LRP6: variants seen among roughly 807,000 people sequenced by gnomAD.
LRP6 encodes low-density lipoprotein receptor-related protein 6.
A neutral mutation model predicts 184.1 loss-of-function variants in LRP6; 43 were observed. That is an observed-to-expected ratio of 0.23 (90% CI 0.18 to 0.30). The LOEUF is 0.30. Among genes scored for constraint, LRP6 ranks in the 10% least tolerant of loss-of-function variants. The probability of loss-of-function intolerance (pLI) is 1.00; values close to 1 mark genes in which losing one functional copy is unlikely to be tolerated. For synonymous variants in LRP6, 719 were observed against 684.9 expected (o/e 1.05, Z -0.78); for missense variants, 1,571 against 2,005.3 (o/e 0.78, Z 4.14).
At chr12:12,151,105 G>T in intron 12 of LRP6, 67 bp from the exon 13 acceptor site, 1 of 1,295,550 alleles carries the variant, frequency 7.7e-7, no homozygotes, top group South Asian at 1.3e-5. Flanking sequence ...CCAATGATTT[G>T]ATCAGCCTGT....
chr12:12,196,834 C>T (rs1863775122), intron 3 of LRP6, among the ~76,000 whole-genome samples: 1 of 152,136 alleles, frequency 6.6e-6, no homozygotes. Flanking sequence ...TGTGTTCTTA[C>T]ACCAGAAGGC....
At chr12:12,152,591 G>T (rs1430443604) in intron 12 of LRP6, among the ~76,000 whole-genome samples, 1 of 152,078 alleles carries the variant, frequency 6.6e-6, no homozygotes, top group Non-Finnish European at 1.5e-5. Context: ...GGCCAAGAAT[G>T]ACTTCTGGGA....
intron 3 of LRP6, among the ~76,000 whole-genome samples, chr12:12,188,676 T>C (rs1863539483): frequency 1.3e-5 from 2 of 152,224 alleles, no homozygotes; most frequent in African/African-American, 2.4e-5. Flanking sequence ...TTTTCCTTAA[T>C]CCTCTCTTCC....
intron 1 of LRP6, among the ~76,000 whole-genome samples, chr12:12,254,283 A>G (rs1865408712): frequency 6.6e-6 from 1 of 152,200 alleles, no homozygotes; most frequent in Admixed American, 6.5e-5. Context: ...CCAAACAGCT[A>G]GTAGAAAAAC....
chr12:12,165,215 A>G lies in LRP6; in HGVS notation c.1626T>C (p.Gly542=). ...GCCAGTCAGTCCAGTAAACATAGTC[A>G]CCCAACAAAGTAAATCCAAATATGT... The part of the protein sequence containing the change: ...IPHIFGFTLL[G]DYVYWTDWQR... The change falls in exon 8 of 23, where the codon GGT becomes GGC. Residue 542 remains glycine, a synonymous_variant. Coordinates refer to ENST00000261349, the MANE Select transcript of LRP6 (RefSeq NM_002336.3). The G allele has an allele frequency of 6.2e-7, 1 of 1,614,086 alleles. No homozygotes were observed. The highest frequency in any genetic ancestry group is 1.1e-5 in the South Asian group (1 of 91,088).
In LRP6 at chr12:12,183,987, G is replaced by T. The variant is rs753863194; in HGVS notation, c.969C>A (p.Cys323Ter). 6.2e-7 allele frequency: 1 copy of T among 1,612,884 alleles called. No homozygotes were observed. Among genetic ancestry groups the T allele is most frequent in the Non-Finnish European group, 8.5e-7 (1 of 1,179,126 alleles). ...TGGATAATATCTTCTTACCATCTTT[G>T]CAGGTTTTTCCATTCTCCAGGAGTT... ...GVKLLENGKT[C>*]KDGATELLLL... Residue 323 changes from cysteine to a stop codon, truncating the protein, a stop_gained, in exon 5 of 23, where the codon TGC becomes TGA. Coordinates refer to ENST00000261349, the MANE Select transcript of LRP6 (RefSeq NM_002336.3). LOFTEE classifies it high-confidence loss of function.
intron 2 of LRP6, among the ~76,000 whole-genome samples, chr12:12,227,767 G>C (rs1864668998): frequency 6.6e-6 from 1 of 152,158 alleles, no homozygotes; most frequent in African/African-American, 2.4e-5. Flanking sequence ...TAACAGCACA[G>C]TGTAGTCAAT....
intron 7 of LRP6, among the ~76,000 whole-genome samples, chr12:12,167,605 T>C (rs950311619): frequency 1.3e-4 from 19 of 150,310 alleles, no homozygotes; most frequent in Non-Finnish European, 2.5e-4. Flanking sequence ...ATCGCGCCAC[T>C]GCACTCCAAC....
At position 12,130,814 on chromosome 12, in the gene LRP6, A is replaced by G. The variant is rs1449066168; in HGVS notation, c.4050T>C (p.Asp1350=). 3.1e-6 allele frequency: 5 copies of G among 1,613,244 alleles called. No homozygotes were observed. Among genetic ancestry groups the G allele is most frequent in the Admixed American group, 1.7e-5 (1 of 60,028 alleles). Residue 1350 remains aspartate, a synonymous_variant, in exon 19 of 23, where the codon GAT becomes GAC. Coordinates refer to ENST00000261349, the MANE Select transcript of LRP6 (RefSeq NM_002336.3). ...CCAGTTCATCTGACTTGTCACTGCA[A>G]TCCACATTATGATCACACTTCTTGT... is the stretch of plus-strand genomic sequence containing the variant. ...GKHKKCDHNV[D]CSDKSDELDC... is the part of the protein sequence containing the mutation.
At position 12,266,741 on chromosome 12, in the gene LRP6, C is replaced by G. The variant is rs758806136; in HGVS notation, c.-6G>C. The G allele has an allele frequency of 6.2e-7, 1 of 1,612,840 alleles. No individual in the cohort carries two copies. ...CTCCTCAGGACGGCCCCCATCTTCCCTTCTCGCGTTCTCTTCTCTCACCGG... is the reference window on the plus strand; with the variant it reads ...CTCCTCAGGACGGCCCCCATCTTCCGTTCTCGCGTTCTCTTCTCTCACCGG... On this transcript the variant is annotated 5_prime_UTR_variant, in exon 1 of 23. Transcript: ENST00000261349.
chr12:12,184,559 G>C (rs539029343), intron 4 of LRP6, among the ~76,000 whole-genome samples: 2 of 152,164 alleles, frequency 1.3e-5, no homozygotes, highest in African/African-American at 4.8e-5. Context: ...GGATAGATAA[G>C]AGGACATTTC....
chr12:12,147,602 A>G, intron 14 of LRP6, 46 bp from the exon 15 acceptor site: 2 of 1,381,330 alleles, frequency 1.4e-6, no homozygotes. Context: ...GTAAGAAACC[A>G]CATAAAATGA....
intron 16 of LRP6, among the ~76,000 whole-genome samples, chr12:12,137,683 T>C (rs1949862485): frequency 6.6e-6 from 1 of 152,124 alleles, no homozygotes. Context: ...AAGAAATAGA[T>C]GCTTTATGTT....
intron 2 of LRP6, among the ~76,000 whole-genome samples, chr12:12,234,268 C>G (rs975785304): frequency 6.6e-6 from 1 of 150,590 alleles, no homozygotes; most frequent in African/African-American, 2.4e-5. Flanking sequence ...GCGTGGGCAA[C>G]AAGAGCGAAA....
rs568774771 is a variant in LRP6 at position 12,221,260 on chromosome 12, A to G, written c.450-17860T>C. 1.6e-4 allele frequency among the ~76,000 whole-genome samples: 24 copies of G among 152,352 alleles called. No individual in the cohort carries two copies. In the East Asian group the frequency reaches 4.4e-3, roughly 28 times the overall value. On this transcript the variant is annotated intron_variant, in intron 2 of 22. Coordinates refer to ENST00000261349, the MANE Select transcript of LRP6 (RefSeq NM_002336.3). ...CTTTTGTATTTATATCACCATAAAC[A>G]ATGAAGTGTAAGAGAAAACCCAATT...
At chr12:12,177,843 A>G (rs1863234511) in intron 7 of LRP6, among the ~76,000 whole-genome samples, 1 of 152,184 alleles carries the variant, frequency 6.6e-6, no homozygotes, top group Admixed American at 6.5e-5. Flanking sequence ...TCTAAAAATA[A>G]GATTTATGGG....
At chr12:12,131,757 G>C in intron 18 of LRP6, 64 bp downstream of exon 18, 2 of 1,368,734 alleles carry the variant, frequency 1.5e-6, no homozygotes, top group Non-Finnish European at 1.0e-6. Context: ...AAGTAATACT[G>C]AAGTTTAAAC....
rs10661340 is a variant in LRP6, at chr12:12,231,180, C to CAAAAAAAAAA, written c.449+13072_449+13081dup. Among the ~76,000 whole-genome samples the CAAAAAAAAAA allele has an allele frequency of 3.8e-4, 9 of 23,564 alleles. 2 individuals carry two copies. The highest frequency in any genetic ancestry group is 6.7e-4 in the African/African-American group (3 of 4,452). 15.5% of individuals were successfully genotyped at this position (23,564 alleles called of 152,430 possible). On this transcript the variant is annotated intron_variant, in intron 2 of 22. Transcript: ENST00000261349. The stretch of plus-strand genomic sequence containing the variant: ...TGGATGACAGAGCAAGACTCCATCT[C>CAAAAAAAAAA]AAAAAAAAAAAAAAAAAAAAAAAAA...
intron 15 of LRP6, among the ~76,000 whole-genome samples, chr12:12,141,344 T>C (rs1320086697): frequency 6.6e-6 from 1 of 152,084 alleles, no homozygotes; most frequent in Non-Finnish European, 1.5e-5. Context: ...AAGACTGAAA[T>C]CACAGTCACA....
Sources: allele counts gnomAD v4.1 joint callset (sites outside exome capture counted in the v4.1 genomes callset), GRCh38; gene constraint gnomAD v4.1.1; transcripts MANE v1.5; gene names NCBI Gene and HGNC (gene_info 2026-07-23, HGNC 2026-07-21).